Variants in ODAD2 observed in about 807,000 individuals in gnomAD.
ODAD2 encodes the protein outer dynein arm docking complex subunit 2.
In ODAD2, 89 loss-of-function variants were observed where a neutral mutation model predicts 106.8. The observed-to-expected ratio is 0.83, with a 90% confidence interval of 0.70 to 0.99. The LOEUF (loss-of-function observed/expected upper bound fraction) is 0.99. ODAD2 is among the 50% of genes least tolerant of loss of function. The probability of loss-of-function intolerance (pLI) is 0.00; values close to 1 mark genes in which losing one functional copy is unlikely to be tolerated. For synonymous variants in ODAD2, 404 were observed against 436.2 expected, an observed-to-expected ratio of 0.93 and a Z score of 0.92; for missense variants, 1,168 against 1,238.5, an observed-to-expected ratio of 0.94 and a Z score of 0.85.
Position 27,820,587 on chromosome 10 carries a change from C to T in ODAD2, c.3022-7962G>A, listed in dbSNP as rs190564742. 4.9e-4 allele frequency among the ~76,000 whole-genome samples: 75 copies of T among 152,012 alleles called. 2 individuals are homozygous for T. In the East Asian group the frequency reaches 0.01, roughly 20 times the overall value. ...ATCTAAGCAGGTACCCTTTTTATGACTCTATTCTATAAATTAAATTTTTCT... is the reference window on the plus strand; with the variant it reads ...ATCTAAGCAGGTACCCTTTTTATGATTCTATTCTATAAATTAAATTTTTCT... On this transcript the variant is annotated intron_variant, in intron 19 of 19. Transcript: ENST00000305242.
rs57133419 is a variant in ODAD2, at chr10:27,995,445, G to T, written c.-38-265C>A. Among the ~76,000 whole-genome samples the T allele has an allele frequency of 0.038, 5,811 of 152,070 alleles. 205 individuals carry two copies. The highest frequency in any genetic ancestry group is 0.098 in the African/African-American group (4,056 of 41,478). On this transcript the variant is annotated intron_variant, in intron 1 of 19. Coordinates refer to ENST00000305242, the MANE Select transcript of ODAD2 (RefSeq NM_018076.5). ...TAATTTCCCTAGGGCCTAAGAGAGA[G>T]GATTCAAACAGATAGGCATAAAACC...
chr10:27,908,608 C>G (rs537918232), intron 16 of ODAD2, among the ~76,000 whole-genome samples: 102 of 152,072 alleles, frequency 6.7e-4, no homozygotes, highest in Non-Finnish European at 1.1e-3. Context: ...CATCAAAATT[C>G]CTTTGATTTT....
chr10:27,952,425 C>T (rs1209087050), intron 10 of ODAD2, among the ~76,000 whole-genome samples: 1 of 151,322 alleles, frequency 6.6e-6, no homozygotes, highest in African/African-American at 2.4e-5. Flanking sequence ...TTCTAGGATA[C>T]ATGTGCAGAA....
At chr10:27,932,253 T>C (rs1188378940) in intron 16 of ODAD2, among the ~76,000 whole-genome samples, 2 of 152,070 alleles carry the variant, frequency 1.3e-5, no homozygotes, top group African/African-American at 4.8e-5. Context: ...TTGGGCAAAA[T>C]CATCTAACAC....
intron 16 of ODAD2, among the ~76,000 whole-genome samples, chr10:27,923,157 T>C (rs1844911756): frequency 6.6e-6 from 1 of 152,188 alleles, no homozygotes; most frequent in Admixed American, 6.5e-5. Context: ...AAACTAAACA[T>C]TATTCATATC....
intron 17 of ODAD2, among the ~76,000 whole-genome samples, chr10:27,864,245 C>T (rs1198414077): frequency 5.3e-5 from 8 of 150,942 alleles, no homozygotes; most frequent in Non-Finnish European, 1.5e-5. Flanking sequence ...ACGTCTCTGG[C>T]TCAACTTAGT....
At chr10:27,966,164 T>C (rs1848475210) in intron 9 of ODAD2, among the ~76,000 whole-genome samples, 1 of 152,206 alleles carries the variant, frequency 6.6e-6, no homozygotes, top group African/African-American at 2.4e-5. Flanking sequence ...CCAATTTGTG[T>C]GTAAAACACT....
chr10:27,887,329 T>C (rs934138632), intron 17 of ODAD2, among the ~76,000 whole-genome samples: 1 of 151,870 alleles, frequency 6.6e-6, no homozygotes, highest in African/African-American at 2.4e-5. Flanking sequence ...GCACCAAACA[T>C]GAAAGTTCTG....
chr10:27,995,114 T>C lies in ODAD2; in HGVS notation c.29A>G (p.Gln10Arg), dbSNP rs759071828. The C allele has an allele frequency of 1.9e-6, 3 of 1,614,054 alleles. No homozygotes were observed. The South Asian group carries it at 3.3e-5, about 18-fold the overall frequency. ...AGTTCCATGTCCGGCAGCAGTCCAC[T>C]GCGTCAATTTCCTCAGAGCCACACC... Reference protein sequence around the residue: MGVALRKLTQWTAAGHGTGI... With the variant: MGVALRKLTRWTAAGHGTGI... Residue 10 changes from glutamine to arginine, a missense_variant, in exon 2 of 20, where the codon CAG becomes CGG. Around this residue, in one of 3 missense-constraint regions of ODAD2, gnomAD observed 430 missense variants for 452.2 expected, o/e 0.95. Coordinates refer to ENST00000305242, the MANE Select transcript of ODAD2 (RefSeq NM_018076.5).
chr10:27,885,509 CAAAAAAAAAAAAAAA>C (rs781326915), intron 17 of ODAD2, among the ~76,000 whole-genome samples: 220 of 19,830 alleles, frequency 0.011, 9 homozygotes, highest in Middle Eastern at 0.05. Context: ...GACTCCATCT[CAAAAAAAAAAAAAAA>C]AAAAAAAAAA....
At chr10:27,997,344 C>T (rs1465622308) in intron 1 of ODAD2, 1 of 152,096 alleles carries the variant, frequency 6.6e-6, no homozygotes, top group Non-Finnish European at 1.5e-5. Context: ...TTATCTTATA[C>T]AGAAAGGCTT....
At chr10:27,833,392 G>A (rs549759506) in intron 19 of ODAD2, among the ~76,000 whole-genome samples, 1 of 152,088 alleles carries the variant, frequency 6.6e-6, no homozygotes, top group Admixed American at 6.5e-5. Context: ...AAAAAATCAA[G>A]GAGGAAAATT....
At chr10:27,960,669 A>G (rs1848074100) in intron 10 of ODAD2, among the ~76,000 whole-genome samples, 1 of 152,140 alleles carries the variant, frequency 6.6e-6, no homozygotes, top group South Asian at 2.1e-4. Context: ...TTTATTTTTA[A>G]TTGACAAAGA....
chr10:27,904,295 C>T (rs757876931), intron 17 of ODAD2: 40 of 389,806 alleles, frequency 1.0e-4, no homozygotes, highest in Non-Finnish European at 1.5e-4. Context: ...ACAAGAAAGG[C>T]AAGGATGCTG....
rs4385792 is a variant in ODAD2, at chr10:27,995,475, T to C, written c.-38-295A>G. ...CAAACAGATAGGCATAAAACCCAAATAGAAAACTCCAAGAGTGGAAAAAAA... is the reference window on the plus strand; with the variant it reads ...CAAACAGATAGGCATAAAACCCAAACAGAAAACTCCAAGAGTGGAAAAAAA... On this transcript the variant is annotated intron_variant, in intron 1 of 19. Coordinates refer to ENST00000305242, the MANE Select transcript of ODAD2 (RefSeq NM_018076.5). 0.45 allele frequency among the ~76,000 whole-genome samples: 68,178 copies of C among 151,838 alleles called. 16,076 individuals carry two copies. The highest frequency in any genetic ancestry group is 0.6 in the African/African-American group (24,658 of 41,406).
rs185364471 is a variant in ODAD2, at chr10:27,903,295, T to C, written c.2610+4368A>G. Among the ~76,000 whole-genome samples the C allele has an allele frequency of 9.8e-5, 15 of 152,288 alleles. No individual in the cohort carries two copies. The East Asian group carries it at 2.9e-3, about 29-fold the overall frequency. ...CAATAAACTAATTATTGATGGAATG[T>C]ATCTCAAAATAATAAGAACTGTTTA... On this transcript the variant is annotated intron_variant, in intron 17 of 19. Transcript: ENST00000305242.
intron 9 of ODAD2, among the ~76,000 whole-genome samples, chr10:27,962,617 C>A (rs1036385706): frequency 2.0e-5 from 3 of 152,220 alleles, no homozygotes; most frequent in African/African-American, 7.2e-5. Context: ...CATTACCATG[C>A]AAAGTGTTGA....
At chr10:27,954,946 G>A (rs181479214) in intron 10 of ODAD2, among the ~76,000 whole-genome samples, 1 of 152,182 alleles carries the variant, frequency 6.6e-6, no homozygotes, top group African/African-American at 2.4e-5. Context: ...ATTCTGAGTA[G>A]GCTGTTTTTA....
intron 9 of ODAD2, 59 bp from the exon 10 acceptor site, chr10:27,961,774 C>A: frequency 6.9e-7 from 1 of 1,458,532 alleles, no homozygotes; most frequent in African/African-American, 1.4e-5. Context: ...TCTATTAAGA[C>A]CTACATGGGG....
Sources: gnomAD v4.1 joint callset for allele counts (sites outside exome capture counted in the v4.1 genomes callset) on GRCh38, gnomAD v4.1.1 for gene constraint, gnomAD v4.1.1 regional missense constraint, MANE v1.5 for transcripts, NCBI Gene and HGNC (gene_info 2026-07-23, HGNC 2026-07-21) for gene names.